TMPO: variants seen among roughly 807,000 people sequenced by gnomAD.
The protein encoded by TMPO is thymopoietin.
In TMPO, 22 loss-of-function variants were observed where a neutral mutation model predicts 45.4. The observed-to-expected ratio is 0.48, with a 90% CI of 0.35 to 0.69. The LOEUF (loss-of-function observed/expected upper bound fraction) is 0.69. Ranked by LOEUF, TMPO falls within the 30% of genes least tolerant of loss-of-function variation. The pLI is 0.01. For synonymous variants in TMPO, 241 were observed against 204.1 expected (o/e 1.18, Z -1.54); for missense variants, 512 against 548.8 (o/e 0.93, Z 0.67).
intron 1 of TMPO, among the ~76,000 whole-genome samples, chr12:98,519,074 G>A (rs1876126035): frequency 6.6e-6 from 1 of 151,858 alleles, no homozygotes; most frequent in African/African-American, 2.4e-5. Context: ...AGTAGAGATG[G>A]GGTTTCACCG....
At chr12:98,524,631 TCG>T (rs1876626849) in intron 1 of TMPO, among the ~76,000 whole-genome samples, 1 of 151,690 alleles carries the variant, frequency 6.6e-6, no homozygotes, top group South Asian at 2.1e-4. Flanking sequence ...TCTTGCTCTA[TCG>T]CCCAGGCTGG....
intron 1 of TMPO, among the ~76,000 whole-genome samples, chr12:98,523,581 ACTTAC>A (rs762868759): frequency 7.3e-5 from 11 of 151,512 alleles, no homozygotes; most frequent in African/African-American, 1.5e-4. Flanking sequence ...AATTTATCTG[ACTTAC>A]CTTATGTAGA....
At chr12:98,523,080 G>T (rs1221826962) in intron 1 of TMPO, among the ~76,000 whole-genome samples, 1 of 152,154 alleles carries the variant, frequency 6.6e-6, no homozygotes, top group Non-Finnish European at 1.5e-5. Context: ...ACTCTTAAGT[G>T]ATCTACTTAA....
intron 4 of TMPO, among the ~76,000 whole-genome samples, chr12:98,539,003 C>T (rs1028326309): frequency 3.3e-5 from 5 of 151,924 alleles, no homozygotes; most frequent in South Asian, 2.1e-4. Context: ...GAGTTCGAGA[C>T]GAGCCTGACC....
At chr12:98,526,523 C>T (rs1876774235) in intron 1 of TMPO, among the ~76,000 whole-genome samples, 1 of 152,028 alleles carries the variant, frequency 6.6e-6, no homozygotes, top group Non-Finnish European at 1.5e-5. Flanking sequence ...TTTTTATTGT[C>T]GTATTGTCTT....
At chr12:98,521,469 C>G (rs369834838) in intron 1 of TMPO, among the ~76,000 whole-genome samples, 2 of 152,154 alleles carry the variant, frequency 1.3e-5, no homozygotes, top group East Asian at 3.9e-4. Context: ...CTACCATAGT[C>G]TCTTGGATTC....
chr12:98,537,430 A>G lies in TMPO; in HGVS notation c.566-45A>G, dbSNP rs770971733. On this transcript the variant is annotated intron_variant, in intron 3 of 8. Transcript: ENST00000556029. ...TAATATTAGGATAACATCATCATTT[A>G]TTGAGTGTTTCAGAGAGTAATGGTT... is the stretch of plus-strand genomic sequence containing the variant. The G allele has an allele frequency of 2.1e-6, 3 of 1,455,672 alleles. No individual in the cohort carries two copies. In the African/African-American group the frequency reaches 4.2e-5, roughly 20 times the overall value. 90.2% of individuals were successfully genotyped at this position (1,455,672 alleles called of 1,614,324 possible).
chr12:98,528,030 C>T lies in TMPO; in HGVS notation c.406+18C>T. The T allele has an allele frequency of 6.2e-7, 1 of 1,613,564 alleles. No homozygotes were observed. On this transcript the variant is annotated intron_variant, in intron 2 of 8. Transcript: ENST00000556029. ...TATTGTGGGTAAGTTGATAAAATTT[C>T]AAATACAGTATCTTTTCTCTGAAGC...
chr12:98,547,570 C>T lies in TMPO; in HGVS notation c.1080-3C>T. 6.2e-7 allele frequency: 1 copy of T among 1,614,110 alleles called. No homozygotes were observed. The highest frequency in any genetic ancestry group is 8.5e-7 in the Non-Finnish European group (1 of 1,179,980). On this transcript the variant is annotated splice_region_variant and splice_polypyrimidine_tract_variant and intron_variant, in intron 8 of 8. Transcript: ENST00000556029. ...TTTCTTTTCCTCCTTTCACTCCCAACAGTGCTAGTTGCCGCAGACCAATCA... is the reference window on the plus strand; with the variant it reads ...TTTCTTTTCCTCCTTTCACTCCCAATAGTGCTAGTTGCCGCAGACCAATCA...
intron 3 of TMPO, chr12:98,534,483 A>C: frequency 6.7e-7 from 1 of 1,492,876 alleles, no homozygotes; most frequent in Non-Finnish European, 8.8e-7. Context: ...TACAGTATAA[A>C]AGTAATTGCC....
chr12:98,531,482 G>A (rs552631097), intron 2 of TMPO, among the ~76,000 whole-genome samples, 198 bp from the exon 3 acceptor site: 3 of 151,762 alleles, frequency 2.0e-5, no homozygotes, highest in Non-Finnish European at 4.4e-5. Flanking sequence ...TAATGTACCC[G>A]CCTCAGCCTC....
chr12:98,528,065 A>G, intron 2 of TMPO, 53 bp downstream of exon 2: 1 of 1,608,054 alleles, frequency 6.2e-7, no homozygotes, highest in Non-Finnish European at 8.5e-7. Flanking sequence ...CAGGACCCCA[A>G]ATTATTTTCT....
intron 1 of TMPO, among the ~76,000 whole-genome samples, chr12:98,526,821 G>C (rs1049005413): frequency 2.0e-5 from 3 of 152,078 alleles, no homozygotes; most frequent in African/African-American, 7.2e-5. Flanking sequence ...AGCTGGGCGT[G>C]GTGGCGCACA....
chr12:98,546,879 T>C (rs942994397), intron 8 of TMPO, among the ~76,000 whole-genome samples: 12 of 152,106 alleles, frequency 7.9e-5, no homozygotes, highest in Non-Finnish European at 1.5e-4. Flanking sequence ...AAATAGTTTT[T>C]CCCCCCTAAG....
rs35761089 is a variant in TMPO, at chr12:98,533,691, G to A, written c.565+1853G>A. The A allele has an allele frequency of 3.1e-6, 5 of 1,614,038 alleles. No homozygotes were observed. Among genetic ancestry groups the A allele is most frequent in the African/African-American group, 2.7e-5 (2 of 74,926 alleles). ...CTACCTTAGGTCTAGAAGTGGCTAA[G>A]CAATCACAGCATGATAAAATAGATG... On this transcript the variant is annotated intron_variant, in intron 3 of 8. Transcript: ENST00000556029.
Position 98,534,674 on chromosome 12 carries a change from G to A in TMPO, c.566-2801G>A, listed in dbSNP as rs75569613. On this transcript the variant is annotated intron_variant, in intron 3 of 8. Transcript: ENST00000556029. The stretch of plus-strand genomic sequence containing the variant: ...AATTAGGATATAAGGAGTATTTACT[G>A]TTCAATAGAATAATATGCATCCTCC... 141 of 1,126,418 alleles carry A rather than the reference G, an allele frequency of 1.3e-4. 1 individual carries two copies. The East Asian group carries it at 7.1e-3, about 57-fold the overall frequency. 69.8% of individuals were successfully genotyped at this position (1,126,418 alleles called of 1,614,324 possible).
At chr12:98,547,077 A>G (rs1335670518) in intron 8 of TMPO, among the ~76,000 whole-genome samples, 1 of 104,856 alleles carries the variant, frequency 9.5e-6, no homozygotes, top group Non-Finnish European at 2.0e-5. Context: ...GATGCATCGA[A>G]CTTTTTTTTT....
chr12:98,529,171 A>T (rs1411856882), intron 2 of TMPO, among the ~76,000 whole-genome samples: 1 of 151,118 alleles, frequency 6.6e-6, no homozygotes, highest in East Asian at 1.9e-4. Flanking sequence ...CTCCAGCCTC[A>T]GCTTCCCGAA....
At position 98,515,981 on chromosome 12, in the gene TMPO, C is replaced by A. The variant is rs200619128; in HGVS notation, c.114C>A (p.Val38=). 1.4e-5 allele frequency: 23 copies of A among 1,612,888 alleles called. No homozygotes were observed. Among genetic ancestry groups the A allele is most frequent in the Non-Finnish European group, 1.9e-5 (23 of 1,179,836 alleles). Residue 38 remains valine (V), a synonymous_variant, in exon 1 of 9, where the codon GTC becomes GTA. Transcript: ENST00000556029. ...GGGAGCAGCGCAAAGACGTGTACGT[C>A]CAGCTCTACCTGCAGCACCTCACGG... ...PAGEQRKDVY[V]QLYLQHLTAR...
Sources: gnomAD v4.1 joint callset for allele counts (sites outside exome capture counted in the v4.1 genomes callset) on GRCh38, gnomAD v4.1.1 for gene constraint, MANE v1.5 for transcripts, NCBI Gene and HGNC (gene_info 2026-07-23, HGNC 2026-07-21) for gene names.